The following BUB1 variants were observed in gnomAD, a reference collection of about 807,000 sequenced individuals.
BUB1 encodes mitotic checkpoint serine/threonine-protein kinase BUB1.
BUB1 carries 84 observed loss-of-function variants against 135.2 expected under a neutral mutation model. The ratio of observed to expected loss-of-function variants is 0.62; its 90% CI spans 0.52 to 0.74. The LOEUF (loss-of-function observed/expected upper bound fraction) is 0.74. Ranked by LOEUF, BUB1 falls within the 30% of genes least tolerant of loss-of-function variation. The probability of loss-of-function intolerance (pLI) is 0.00; values close to 1 mark genes in which losing one functional copy is unlikely to be tolerated. For missense variants in BUB1, 1,162 were observed against 1,288.3 expected, an observed-to-expected ratio of 0.90 and a Z score of 1.50; for synonymous variants, 403 against 434.4, an observed-to-expected ratio of 0.93 and a Z score of 0.90.
chr2:110,652,966 C>T (rs1229286495), intron 17 of BUB1, among the ~76,000 whole-genome samples: 2 of 152,256 alleles, frequency 1.3e-5, no homozygotes, highest in Admixed American at 1.3e-4. Context: ...ACATTTGTTC[C>T]ATTACTATTA....
chr2:110,650,402 T>C (rs999056328), intron 18 of BUB1, 144 bp downstream of exon 18: 5 of 677,786 alleles, frequency 7.4e-6, no homozygotes, highest in African/African-American at 5.3e-5. Flanking sequence ...TCCATTGTGA[T>C]GCATTATGCA....
At chr2:110,657,484 C>G in intron 14 of BUB1, 62 bp downstream of exon 14, 2 of 1,265,190 alleles carry the variant, frequency 1.6e-6, no homozygotes, top group Non-Finnish European at 1.1e-6. Flanking sequence ...CTCACCACCC[C>G]ACCACCTCTG....
chr2:110,651,829 A>G (rs1211668869), intron 17 of BUB1, among the ~76,000 whole-genome samples: 2 of 152,178 alleles, frequency 1.3e-5, no homozygotes, highest in East Asian at 3.8e-4. Context: ...GCCATTGCCT[A>G]TAGTATTCAA....
intron 24 of BUB1, among the ~76,000 whole-genome samples, chr2:110,638,696 A>T (rs1348301177): frequency 1.3e-5 from 2 of 152,240 alleles, no homozygotes; most frequent in Admixed American, 1.3e-4. Flanking sequence ...CACATAGGAA[A>T]TGCCATCAGG....
In BUB1 at chr2:110,652,059, TAC is replaced by T. The variant is rs559734586; in HGVS notation, c.1965-1277_1965-1276del. On this transcript the variant is annotated intron_variant, in intron 17 of 24. Transcript: ENST00000302759. Reference sequence around the variant, plus strand: ...AAGTATATGTATACATATACATCCATACACACACACACACACACACACACACA... The same window carrying T: ...AAGTATATGTATACATATACATCCATACACACACACACACACACACACACA... Among the ~76,000 whole-genome samples the T allele has an allele frequency of 3.6e-3, 516 of 144,194 alleles. 1 individual carries two copies. The highest frequency in any genetic ancestry group is 4.7e-3 in the Admixed American group (67 of 14,296). 94.6% of individuals were successfully genotyped at this position (144,194 alleles called of 152,430 possible).
intron 19 of BUB1, among the ~76,000 whole-genome samples, chr2:110,643,288 G>A (rs1689552131): frequency 6.6e-6 from 1 of 152,140 alleles, no homozygotes; most frequent in African/African-American, 2.4e-5. Context: ...ACCAGTACTG[G>A]GGGAGTTATA....
At chr2:110,645,773 G>A (rs1337655609) in intron 19 of BUB1, among the ~76,000 whole-genome samples, 1 of 151,984 alleles carries the variant, frequency 6.6e-6, no homozygotes, top group African/African-American at 2.4e-5. Context: ...TCAATGCATT[G>A]TCCAGACTTG....
At chr2:110,642,055 C>T (rs747195242) in intron 20 of BUB1, 64 bp downstream of exon 20, 1 of 1,292,322 alleles carries the variant, frequency 7.7e-7, no homozygotes, top group African/African-American at 1.5e-5. Context: ...AAAAAAATTT[C>T]TTGGCAAACT....
Position 110,637,966 on chromosome 2 carries a change from A to G in BUB1, c.3256T>C (p.Ter1086GlnextTer8), listed in dbSNP as rs745745049. Residue 1086 changes from the stop codon to glutamine, a stop_lost, in exon 25 of 25, where the codon TAA becomes CAA. Coordinates refer to ENST00000302759, the MANE Select transcript of BUB1 (RefSeq NM_004336.5). ...TAAGGACTGTCTATATCCAAATTTT[A>G]TTTTCGTGAACGCTTACATTCTAAG... ...LLLECKRSRK[*>Q] is the part of the protein sequence containing the mutation. 6 of 1,474,732 alleles carry G rather than the reference A, an allele frequency of 4.1e-6. No individual in the cohort carries two copies. The highest frequency in any genetic ancestry group is 1.8e-6 in the Non-Finnish European group (2 of 1,107,366). 91.4% of individuals were successfully genotyped at this position (1,474,732 alleles called of 1,614,324 possible). A position where few individuals can be genotyped will look rare whatever the true frequency, so the allele number is the denominator to read the frequency against.
chr2:110,652,410 T>C (rs188584977), intron 17 of BUB1, among the ~76,000 whole-genome samples: 2 of 152,346 alleles, frequency 1.3e-5, no homozygotes, highest in African/African-American at 4.8e-5. Context: ...AGTGCTGAAG[T>C]GCTCTCTAAT....
intron 13 of BUB1, 30 bp downstream of exon 13, chr2:110,658,380 T>C (rs1363740780): frequency 3.2e-6 from 5 of 1,546,294 alleles, no homozygotes; most frequent in Non-Finnish European, 3.6e-6. Context: ...TATAATGCTA[T>C]GCACTTAGTA....
Position 110,638,051 on chromosome 2 carries a change from T to C in BUB1, c.3171A>G (p.Val1057=), listed in dbSNP as rs1410717930. Residue 1057 remains valine, a synonymous_variant, in exon 25 of 25, where the codon GTA becomes GTG. Coordinates refer to ENST00000302759, the MANE Select transcript of BUB1 (RefSeq NM_004336.5). ...TCTTGTTAGTATAGTGTTGTTGAAA[T>C]ACTTTCTTCAGCTTTTGCCTTAACA... ...LDLLRQKLKK[V]FQQHYTNKIR... is the part of the protein sequence containing the mutation. The C allele has an allele frequency of 3.1e-5, 50 of 1,612,796 alleles. No individual in the cohort carries two copies. Among genetic ancestry groups the C allele is most frequent in the Non-Finnish European group, 3.9e-5 (46 of 1,179,486 alleles).
rs1689967941 is a variant in BUB1, at chr2:110,657,614, G to A, written c.1548C>T (p.Val516=). 1 of 1,604,052 alleles carries A rather than the reference G, an allele frequency of 6.2e-7. No homozygotes were observed. The highest frequency in any genetic ancestry group is 1.3e-5 in the African/African-American group (1 of 74,510). The part of the protein sequence containing the change: ...KNVRSSGAWG[V]NKIISSLSSA... The stretch of plus-strand genomic sequence containing the variant: ...ATGACAAAGAAGAGATGATCTTATT[G>A]ACTCCCCAAGCCCCAGATGACCTTA... Residue 516 remains valine (V), a synonymous_variant, in exon 14 of 25, where the codon GTC becomes GTT. Coordinates refer to ENST00000302759, the MANE Select transcript of BUB1 (RefSeq NM_004336.5).
intron 6 of BUB1, 23 bp from the exon 7 acceptor site, chr2:110,667,872 G>A (rs1690305307): frequency 6.2e-7 from 1 of 1,606,844 alleles, no homozygotes; most frequent in Non-Finnish European, 8.5e-7. Flanking sequence ...AAACAAACAT[G>A]AGCATTCACT....
intron 6 of BUB1, among the ~76,000 whole-genome samples, chr2:110,668,301 G>T (rs1690321212): frequency 6.6e-6 from 1 of 151,906 alleles, no homozygotes; most frequent in African/African-American, 2.4e-5. Context: ...ACACCTCCAT[G>T]TCACACTCTG....
At position 110,677,989 on chromosome 2, in the gene BUB1, T is replaced by C. The variant is rs770025794; in HGVS notation, c.7A>G (p.Thr3Ala). The stretch of plus-strand genomic sequence containing the variant: ...ACTTACTGAAGGACATTTTCCGGGG[T>C]GTCCATGGCCAGAGGACGCTGGCCG... MD[T>A]PENVLQMLEA... is the part of the protein sequence containing the mutation. The change falls in exon 1 of 25, where the codon ACC becomes GCC. Residue 3 changes from threonine to alanine, a missense_variant. Transcript: ENST00000302759. The C allele has an allele frequency of 5.0e-6, 8 of 1,608,354 alleles. No homozygotes were observed. In the East Asian group the frequency reaches 1.8e-4, roughly 36 times the overall value.
chr2:110,640,498 T>C (rs1689474181), intron 23 of BUB1, among the ~76,000 whole-genome samples: 1 of 152,208 alleles, frequency 6.6e-6, no homozygotes, highest in Non-Finnish European at 1.5e-5. Flanking sequence ...TTCTAGTTGG[T>C]TGAAAATTCA....
chr2:110,667,753 C>G, intron 7 of BUB1, 44 bp downstream of exon 7: 1 of 1,610,012 alleles, frequency 6.2e-7, no homozygotes, highest in Non-Finnish European at 8.5e-7. Flanking sequence ...CCTAAGAGCA[C>G]TTAAAGGAAA....
At chr2:110,639,942 T>C (rs755296735) in intron 23 of BUB1, 94 bp from the exon 24 acceptor site, 3 of 1,025,088 alleles carry the variant, frequency 2.9e-6, no homozygotes, top group East Asian at 2.4e-5. Context: ...AGTTAAATAC[T>C]CACAGGATTT....
Sources: allele counts gnomAD v4.1 joint callset (sites outside exome capture counted in the v4.1 genomes callset), GRCh38; gene constraint gnomAD v4.1.1; transcripts MANE v1.5; gene names NCBI Gene and HGNC (gene_info 2026-07-23, HGNC 2026-07-21).